CYP4B1: variants seen among roughly 807,000 people sequenced by gnomAD.
CYP4B1 encodes the protein cytochrome P450 family 4 subfamily B member 1.
In CYP4B1, 45 loss-of-function variants were observed where a neutral mutation model predicts 54.0. That is an observed-to-expected ratio of 0.83 (90% confidence interval 0.66 to 1.07). CYP4B1 has a LOEUF of 1.07. Ranked by LOEUF, CYP4B1 falls within the 50% of genes least tolerant of loss-of-function variation. CYP4B1 has a pLI of 0.00. For synonymous variants in CYP4B1, 248 were observed against 247.5 expected (o/e 1.00, Z -0.02); for missense variants, 656 against 655.4 (o/e 1.00, Z -0.01).
At chr1:46,813,381 G>A (rs1679189329) in intron 4 of CYP4B1, 101 bp from the exon 5 acceptor site, 4 of 1,427,606 alleles carry the variant, frequency 2.8e-6, no homozygotes, top group African/African-American at 2.8e-5. Context: ...GGGCTTGGTG[G>A]TGGAGGATAG....
Position 46,800,858 on chromosome 1 carries a change from G to A in CYP4B1, c.180+1597G>A, listed in dbSNP as rs565467450. 5.1e-4 allele frequency among the ~76,000 whole-genome samples: 77 copies of A among 152,270 alleles called. 1 individual carries two copies. Among genetic ancestry groups the A allele is most frequent in the African/African-American group, 1.7e-3 (70 of 41,538 alleles). On this transcript the variant is annotated intron_variant, in intron 1 of 11. Coordinates refer to ENST00000371923, the MANE Select transcript of CYP4B1 (RefSeq NM_001099772.2). ...GGGTCAGAGAGATGAATCAGACCCA[G>A]GCCTGGGGTTCAAAGAGCTTACGGT...
intron 1 of CYP4B1, among the ~76,000 whole-genome samples, chr1:46,801,983 CA>C (rs1557486708): frequency 1.3e-5 from 2 of 152,176 alleles, no homozygotes; most frequent in Non-Finnish European, 2.9e-5. Flanking sequence ...TCTCTGATTA[CA>C]GTCTGGAGGC....
At position 46,809,180 on chromosome 1, in the gene CYP4B1, A is replaced by AC. The variant is rs1293651840; in HGVS notation, c.181-1628_181-1627insC. On this transcript the variant is annotated intron_variant, in intron 1 of 11. Transcript: ENST00000371923. ...ATAAACAATATGCAAAATCCTTAAA[A>AC]AAAAACAAAACAAAACAAAACAAAA... Among the ~76,000 whole-genome samples, 24 of 146,172 alleles carry AC rather than the reference A, an allele frequency of 1.6e-4. No individual in the cohort carries two copies. The East Asian group carries it at 2.1e-3, about 13-fold the overall frequency.
At chr1:46,811,060 T>G (rs1183522031) in intron 2 of CYP4B1, 80 bp from the exon 3 acceptor site, 8 of 1,601,752 alleles carry the variant, frequency 5.0e-6, no homozygotes, top group Non-Finnish European at 6.8e-6. Context: ...TCTGCGGAGC[T>G]GAGGTTCCCA....
At position 46,818,791 on chromosome 1, in the gene CYP4B1, C is replaced by A. The variant is rs750062066; in HGVS notation, c.1516C>A (p.Leu506Met). The change falls in exon 12 of 12, where the codon CTG becomes ATG. Residue 506 changes from leucine to methionine, a missense_variant. Coordinates refer to ENST00000371923, the MANE Select transcript of CYP4B1 (RefSeq NM_001099772.2). ...KNGFHLHLKP[L>M]GPGSGK ...TGGCTTTCACCTCCACCTGAAGCCA[C>A]TGGGCCCTGGGTCTGGGAAGTAGCT... 1.2e-6 allele frequency: 2 copies of A among 1,614,174 alleles called. No individual in the cohort carries two copies. The highest frequency in any genetic ancestry group is 2.7e-5 in the African/African-American group (2 of 75,058).
At chr1:46,812,658 G>C in intron 4 of CYP4B1, 35 bp downstream of exon 4, 1 of 1,603,232 alleles carries the variant, frequency 6.2e-7, no homozygotes, top group Non-Finnish European at 8.5e-7. Context: ...GGAGGCTGTT[G>C]CCTGCTGGGC....
chr1:46,801,186 A>G (rs1678647905), intron 1 of CYP4B1, among the ~76,000 whole-genome samples: 1 of 152,182 alleles, frequency 6.6e-6, no homozygotes, highest in African/African-American at 2.4e-5. Context: ...GAGGGAGAAG[A>G]AAAGCAAAGG....
rs1163653704 is a variant in CYP4B1, at chr1:46,818,900, GC to G, written c.*91del. The G allele has an allele frequency of 5.9e-6, 8 of 1,365,494 alleles. No homozygotes were observed. Among genetic ancestry groups the G allele is most frequent in the Non-Finnish European group, 7.1e-6 (7 of 984,922 alleles). 84.6% of individuals were successfully genotyped at this position (1,365,494 alleles called of 1,614,324 possible). A position where few individuals can be genotyped will look rare whatever the true frequency, so the allele number is the denominator to read the frequency against. On this transcript the variant is annotated 3_prime_UTR_variant, in exon 12 of 12. Coordinates refer to ENST00000371923, the MANE Select transcript of CYP4B1 (RefSeq NM_001099772.2). ...CCAGGCTGGGTGTGGAGGAGTTGGG[GC>G]CCCCTGCCTTCAGGAGGCTTGTAGT...
rs45581132 is a variant in CYP4B1, at chr1:46,814,359, A to G, written c.882+44A>G. 2,087 of 1,469,394 alleles carry G rather than the reference A, an allele frequency of 1.4e-3. 27 individuals are homozygous for G. In the African/African-American group the frequency reaches 0.026, roughly 18 times the overall value. 91.0% of individuals were successfully genotyped at this position (1,469,394 alleles called of 1,614,324 possible). A position where few individuals can be genotyped will look rare whatever the true frequency, so the allele number is the denominator to read the frequency against. ...ACCCCTACCTGAGGACTGGTCCCAG[A>G]GAGGTCTTCAACCATCCTCCCAGGA... On this transcript the variant is annotated intron_variant, in intron 7 of 11. Transcript: ENST00000371923.
chr1:46,805,024 C>A (rs1255960931), intron 1 of CYP4B1, among the ~76,000 whole-genome samples: 1 of 152,182 alleles, frequency 6.6e-6, no homozygotes, highest in East Asian at 1.9e-4. Flanking sequence ...GCTGGTGGGG[C>A]AGGGCTTTGT....
chr1:46,809,721 A>C (rs1409159225), intron 1 of CYP4B1, among the ~76,000 whole-genome samples: 7 of 152,212 alleles, frequency 4.6e-5, no homozygotes, highest in Admixed American at 1.3e-4. Context: ...GGCCACTAGG[A>C]GTGTTAAGTG....
Position 46,799,545 on chromosome 1 carries a change from A to G in CYP4B1, c.180+284A>G, listed in dbSNP as rs151216427. On this transcript the variant is annotated intron_variant, in intron 1 of 11. Coordinates refer to ENST00000371923, the MANE Select transcript of CYP4B1 (RefSeq NM_001099772.2). Reference sequence around the variant, plus strand: ...CCCAAAGTTTGGACCAGGTTCTGCTAAAAGCTCAGCAATGACAGAAAGGCA... The same window carrying G: ...CCCAAAGTTTGGACCAGGTTCTGCTGAAAGCTCAGCAATGACAGAAAGGCA... Among the ~76,000 whole-genome samples, 20 of 152,376 alleles carry G rather than the reference A, an allele frequency of 1.3e-4. No homozygotes were observed. The Middle Eastern group carries it at 0.01, about 78-fold the overall frequency.
intron 1 of CYP4B1, among the ~76,000 whole-genome samples, chr1:46,805,493 G>A (rs1156317289): frequency 2.0e-5 from 3 of 152,200 alleles, no homozygotes; most frequent in Non-Finnish European, 1.5e-5. Flanking sequence ...GGTTCTTTCT[G>A]TATGTTATCT....
rs761419425 is a variant in CYP4B1 at position 46,818,041 on chromosome 1, C to T, written c.1272+12C>T. The T allele has an allele frequency of 6.2e-7, 1 of 1,614,132 alleles. No homozygotes were observed. Among genetic ancestry groups the T allele is most frequent in the Non-Finnish European group, 8.5e-7 (1 of 1,179,964 alleles). ...GGCCCGACCCTGAGGTACCCTTTCC[C>T]TGGGCTGGGAGATCAGACAGGGTGG... On this transcript the variant is annotated intron_variant, in intron 10 of 11. Transcript: ENST00000371923.
chr1:46,816,405 G>T (rs576697518), intron 8 of CYP4B1, among the ~76,000 whole-genome samples: 2 of 152,084 alleles, frequency 1.3e-5, no homozygotes, highest in Non-Finnish European at 2.9e-5. Context: ...TTATTTTCAC[G>T]TCATTCCATC....
chr1:46,804,434 C>CTTTT (rs75345024), intron 1 of CYP4B1, among the ~76,000 whole-genome samples: 1 of 141,438 alleles, frequency 7.1e-6, no homozygotes, highest in African/African-American at 2.6e-5. Context: ...CATTTTCTTT[C>CTTTT]TTTTTTTTTT....
chr1:46,810,714 C>T, intron 1 of CYP4B1, 94 bp from the exon 2 acceptor site: 2 of 1,401,440 alleles, frequency 1.4e-6, no homozygotes, highest in South Asian at 2.5e-5. Context: ...CAGGGCCTGC[C>T]TGGGCAGCCT....
At chr1:46,815,359 G>A (rs913182822) in intron 8 of CYP4B1, 95 bp downstream of exon 8, 8 of 1,204,568 alleles carry the variant, frequency 6.6e-6, no homozygotes, top group Admixed American at 3.0e-5. Flanking sequence ...AGGTGAGGTG[G>A]CGGCTGCTAT....
chr1:46,810,842 C>G lies in CYP4B1; in HGVS notation c.215C>G (p.Ser72Cys), dbSNP rs778917114. The G allele has an allele frequency of 1.2e-6, 2 of 1,614,156 alleles. No homozygotes were observed. Among genetic ancestry groups the G allele is most frequent in the South Asian group, 2.2e-5 (2 of 91,082 alleles). ...QETGSLDKVV[S>C]WAHQFPYAHP... Reference sequence around the variant, plus strand: ...ACGGGGAGCCTGGACAAAGTGGTGTCCTGGGCCCACCAGTTCCCGTATGCC... The same window carrying G: ...ACGGGGAGCCTGGACAAAGTGGTGTGCTGGGCCCACCAGTTCCCGTATGCC... Residue 72 changes from serine (S) to cysteine (C), a missense_variant, in exon 2 of 12, where the codon TCC becomes TGC. Physicochemically the swap from Ser to Cys is moderately radical, Grantham distance 112. Coordinates refer to ENST00000371923, the MANE Select transcript of CYP4B1 (RefSeq NM_001099772.2).
Sources: allele counts gnomAD v4.1 joint callset (sites outside exome capture counted in the v4.1 genomes callset), GRCh38; gene constraint gnomAD v4.1.1; transcripts MANE v1.5; gene names NCBI Gene and HGNC (gene_info 2026-07-23, HGNC 2026-07-21).